The following PLCH1 variants were observed in gnomAD, a reference collection of about 807,000 sequenced individuals.
The protein encoded by PLCH1 is phospholipase C eta 1, also known as 1-phosphatidylinositol 4,5-bisphosphate phosphodiesterase eta-1.
Under a neutral mutation model 126.7 loss-of-function variants are expected in PLCH1, and 60 were observed. The ratio of observed to expected loss-of-function variants is 0.47; its 90% confidence interval spans 0.38 to 0.59. PLCH1 has a LOEUF of 0.59. Among genes scored for constraint, PLCH1 ranks in the 20% least tolerant of loss-of-function variants. The pLI is 0.00. For missense variants in PLCH1, 1,723 were observed against 2,040.0 expected (o/e 0.84, Z 2.99); for synonymous variants, 719 against 734.9 (o/e 0.98, Z 0.35).
In PLCH1 at chr3:155,480,633, G is replaced by A. The variant is rs886746804; in HGVS notation, c.*335C>T. The stretch of plus-strand genomic sequence containing the variant: ...AGTAAAAATGACTACATTTGTGACT[G>A]CAATCTGAGGACACAGTAAAGGACA... On this transcript the variant is annotated 3_prime_UTR_variant, in exon 23 of 23. Coordinates refer to ENST00000460012, the MANE Select transcript of PLCH1 (RefSeq NM_014996.4). The A allele has an allele frequency of 7.4e-5, 15 of 202,290 alleles. No homozygotes were observed. Among genetic ancestry groups the A allele is most frequent in the African/African-American group, 3.5e-4 (15 of 43,408 alleles). The allele number at this position is 202,290 out of a possible 1,614,324, so 12.5% of individuals were successfully genotyped here.
intron 11 of PLCH1, among the ~76,000 whole-genome samples, chr3:155,522,954 CT>C: frequency 2.1e-5 from 1 of 48,082 alleles, no homozygotes; most frequent in African/African-American, 8.8e-5. Context: ...TGATGCTTTT[CT>C]TTTTTTGCGG....
chr3:155,546,691 A>G (rs1725332415), intron 10 of PLCH1, among the ~76,000 whole-genome samples: 1 of 150,912 alleles, frequency 6.6e-6, no homozygotes, highest in South Asian at 2.1e-4. Context: ...CAAAACAGAG[A>G]TATAGATCAA....
chr3:155,527,151 A>T (rs73154247), intron 10 of PLCH1, among the ~76,000 whole-genome samples: 6,785 of 152,304 alleles, frequency 0.045, 220 homozygotes, highest in Middle Eastern at 0.092. Context: ...TCCCAGTTCT[A>T]AGAAAGGCTG....
chr3:155,728,873 C>T (rs1748540130), intron 1 of PLCH1, among the ~76,000 whole-genome samples: 2 of 152,186 alleles, frequency 1.3e-5, no homozygotes, highest in South Asian at 4.1e-4. Context: ...CTCTCAGTGG[C>T]CATCAATCTG....
intron 18 of PLCH1, among the ~76,000 whole-genome samples, chr3:155,492,109 C>T (rs1716294796): frequency 6.6e-6 from 1 of 151,938 alleles, no homozygotes; most frequent in African/African-American, 2.4e-5. Context: ...GTTTAATAGG[C>T]GGGAGTGACA....
At chr3:155,676,067 G>A in intron 2 of PLCH1, 1 of 1,499,308 alleles carries the variant, frequency 6.7e-7, no homozygotes, top group South Asian at 1.4e-5. Context: ...CACATTATTG[G>A]CAAGAGCAGT....
intron 2 of PLCH1, among the ~76,000 whole-genome samples, chr3:155,619,879 TA>T (rs768397019): frequency 3.9e-5 from 6 of 152,018 alleles, no homozygotes; most frequent in Non-Finnish European, 8.8e-5. Context: ...TAAACAAAAA[TA>T]GAACTCTGTG....
chr3:155,624,745 A>T (rs1346257447), intron 2 of PLCH1, among the ~76,000 whole-genome samples: 2 of 152,214 alleles, frequency 1.3e-5, no homozygotes, highest in African/African-American at 4.8e-5. Context: ...ATAAGACAGG[A>T]TACAAACAAA....
intron 2 of PLCH1, among the ~76,000 whole-genome samples, chr3:155,609,979 C>G (rs1208951428): frequency 6.6e-6 from 1 of 152,062 alleles, no homozygotes; most frequent in African/African-American, 2.4e-5. Flanking sequence ...TTTGAGGGAA[C>G]AATCATGGAA....
intron 6 of PLCH1, among the ~76,000 whole-genome samples, chr3:155,582,519 C>T (rs1449553169): frequency 1.3e-5 from 2 of 152,106 alleles, no homozygotes; most frequent in Admixed American, 6.6e-5. Context: ...CACAAGCTGG[C>T]TGATTATTTG....
chr3:155,677,665 G>A (rs530002529), intron 2 of PLCH1, among the ~76,000 whole-genome samples: 3 of 152,222 alleles, frequency 2.0e-5, no homozygotes, highest in South Asian at 4.1e-4. Context: ...TGTTATTGCA[G>A]TAATTAATTT....
chr3:155,609,614 G>A (rs1042388142), intron 2 of PLCH1, among the ~76,000 whole-genome samples: 1 of 152,042 alleles, frequency 6.6e-6, no homozygotes, highest in Non-Finnish European at 1.5e-5. Flanking sequence ...GAAGATACCA[G>A]AGAAAGGTGA....
chr3:155,691,368 G>A (rs1394483901), intron 2 of PLCH1, among the ~76,000 whole-genome samples: 2 of 152,078 alleles, frequency 1.3e-5, no homozygotes, highest in African/African-American at 4.8e-5. Context: ...AATTCCTCCC[G>A]ACAAGGTCTA....
At chr3:155,639,275 A>G (rs1489474156) in intron 2 of PLCH1, among the ~76,000 whole-genome samples, 1 of 151,884 alleles carries the variant, frequency 6.6e-6, no homozygotes, top group Non-Finnish European at 1.5e-5. Context: ...CCTGGGAAAA[A>G]TGGTGAAACC....
chr3:155,585,802 A>G (rs1731283258), intron 5 of PLCH1, among the ~76,000 whole-genome samples: 1 of 152,220 alleles, frequency 6.6e-6, no homozygotes, highest in African/African-American at 2.4e-5. Flanking sequence ...TCTCAAAGGG[A>G]CTGGAGCAAG....
intron 2 of PLCH1, among the ~76,000 whole-genome samples, chr3:155,684,179 C>T (rs146581656): frequency 0.014 from 2,189 of 152,284 alleles, 25 homozygotes; most frequent in African/African-American, 0.035. Context: ...CGCAAACCCC[C>T]TACCCCCTTA....
At chr3:155,536,319 A>G (rs1723350738) in intron 10 of PLCH1, among the ~76,000 whole-genome samples, 1 of 152,224 alleles carries the variant, frequency 6.6e-6, no homozygotes, top group African/African-American at 2.4e-5. Context: ...ATCCAAACCA[A>G]GAAGAAATCC....
rs1401020646 is a variant in PLCH1, at chr3:155,582,949, A to G, written c.771+523T>C. ...TTGCTAATCAGGACCTAATTTACTT[A>G]GCCTTTTCACATGATCAAATGGCAA... On this transcript the variant is annotated intron_variant, in intron 6 of 22. Coordinates refer to ENST00000460012, the MANE Select transcript of PLCH1 (RefSeq NM_014996.4). 2.0e-5 allele frequency among the ~76,000 whole-genome samples: 3 copies of G among 152,114 alleles called. 1 individual carries two copies. In the South Asian group the frequency reaches 6.2e-4, roughly 32 times the overall value.
chr3:155,620,078 CA>C (rs1479923257), intron 2 of PLCH1, among the ~76,000 whole-genome samples: 1 of 152,166 alleles, frequency 6.6e-6, no homozygotes, highest in Non-Finnish European at 1.5e-5. Context: ...TATCCCAAAT[CA>C]GTGTACTACA....
Sources: allele counts gnomAD v4.1 joint callset (sites outside exome capture counted in the v4.1 genomes callset), GRCh38; gene constraint gnomAD v4.1.1; transcripts MANE v1.5; gene names NCBI Gene and HGNC (gene_info 2026-07-23, HGNC 2026-07-21).